SEMA6D: variants seen among roughly 807,000 people sequenced by gnomAD.
SEMA6D encodes the protein semaphorin 6D, also known as semaphorin-6D.
In SEMA6D, 35 loss-of-function variants were observed where a neutral mutation model predicts 106.6. That is an observed-to-expected ratio of 0.33 (90% CI 0.25 to 0.44). The LOEUF (loss-of-function observed/expected upper bound fraction) is 0.44. Among genes scored for constraint, SEMA6D ranks in the 20% least tolerant of loss-of-function variants. SEMA6D has a pLI of 1.00. For synonymous variants in SEMA6D, 499 were observed against 487.7 expected (o/e 1.02, Z -0.31); for missense variants, 1,185 against 1,345.9 (o/e 0.88, Z 1.87).
chr15:47,344,856 TTA>T (rs1319817955), intron 1 of SEMA6D, among the ~76,000 whole-genome samples: 55 of 152,300 alleles, frequency 3.6e-4, no homozygotes, highest in African/African-American at 1.3e-3. Context: ...TTTAGCAAAG[TTA>T]TATAATAAAA....
intron 1 of SEMA6D, among the ~76,000 whole-genome samples, chr15:47,227,419 C>CTCTCTCTTTCTTTCTTTCTTTCTTTCTT (rs141918693): frequency 0.023 from 2,703 of 115,406 alleles, 69 homozygotes; most frequent in South Asian, 0.042. Flanking sequence ...TTCTTTCTTT[C>CTCTCTCTTTCTTTCTTTCTTTCTTTCTT]TCTTTCTTTC....
At chr15:47,617,346 A>G (rs2077025724) in intron 4 of SEMA6D, among the ~76,000 whole-genome samples, 1 of 152,336 alleles carries the variant, frequency 6.6e-6, no homozygotes, top group East Asian at 1.9e-4. Context: ...GGGGACTACG[A>G]AAAGTAGTTG....
intron 1 of SEMA6D, among the ~76,000 whole-genome samples, chr15:47,331,862 G>T (rs1000175560): frequency 6.6e-6 from 1 of 152,176 alleles, no homozygotes; most frequent in Admixed American, 6.5e-5. Context: ...AATAACCTAT[G>T]TTTGTAGTTA....
chr15:47,379,593 G>C (rs1049287054), intron 1 of SEMA6D, among the ~76,000 whole-genome samples: 1 of 152,194 alleles, frequency 6.6e-6, no homozygotes, highest in East Asian at 1.9e-4. Context: ...CAAAAATACA[G>C]ATGAGATTAA....
In SEMA6D at chr15:47,660,805, C is replaced by T. The variant is rs189375775; in HGVS notation, c.-55+59909C>T. Among the ~76,000 whole-genome samples the T allele has an allele frequency of 3.4e-4, 51 of 152,106 alleles. No homozygotes were observed. The East Asian group carries it at 8.1e-3, about 24-fold the overall frequency. ...TGATTTTTCATTTTATTTCTTTACA[C>T]TTGTTTGGACAGCATAAGGGAGCAC... On this transcript the variant is annotated intron_variant, in intron 4 of 19. Transcript: ENST00000558014.
At position 47,764,688 on chromosome 15, in the gene SEMA6D, T is replaced by C. The variant is rs1257543429; in HGVS notation, c.1148T>C (p.Ile383Thr). Residue 383 changes from isoleucine (I) to threonine (T), a missense_variant, in exon 12 of 19, where the codon ATC (isoleucine) becomes ACC (threonine). Ile to Thr is a moderately conservative substitution (Grantham distance 89). Around this residue, in one of 3 missense-constraint regions of SEMA6D, gnomAD observed 291 missense variants for 423.8 expected, o/e 0.69. Coordinates refer to ENST00000536845, the MANE Select transcript of SEMA6D (RefSeq NM_001358351.3). The stretch of plus-strand genomic sequence containing the variant: ...CTTGCCGAAGCTTATAAAACCTCCA[T>C]CGATTTCCCGGATGAAACTCTGTCA... ...HGLAEAYKTS[I>T]DFPDETLSFI... 6.2e-7 allele frequency: 1 copy of C among 1,614,052 alleles called. No individual in the cohort carries two copies. Among genetic ancestry groups the C allele is most frequent in the East Asian group, 2.2e-5 (1 of 44,874 alleles).
intron 4 of SEMA6D, among the ~76,000 whole-genome samples, chr15:47,659,833 TAAATTTTTATACCCAC>T (rs1214784854): frequency 1.3e-5 from 2 of 152,104 alleles, no homozygotes; most frequent in Non-Finnish European, 2.9e-5. Flanking sequence ...CAAGTTAAAA[TAAATTTTTATACCCAC>T]AAATTAGAAA....
chr15:47,467,266 C>T (rs1225733423), intron 2 of SEMA6D, among the ~76,000 whole-genome samples: 3 of 152,052 alleles, frequency 2.0e-5, no homozygotes, highest in Non-Finnish European at 4.4e-5. Context: ...TGCCAAGTTT[C>T]CAAGCATTTA....
chr15:47,742,616 T>A (rs2080886862), intron 1 of SEMA6D, among the ~76,000 whole-genome samples: 1 of 152,238 alleles, frequency 6.6e-6, no homozygotes, highest in African/African-American at 2.4e-5. Context: ...TTCTACTTGT[T>A]GAATGTCCAC....
chr15:47,426,939 G>A (rs141140837), intron 2 of SEMA6D, among the ~76,000 whole-genome samples: 1 of 152,246 alleles, frequency 6.6e-6, no homozygotes, highest in East Asian at 1.9e-4. Context: ...TCATTTTACT[G>A]ATAGAGTTTA....
chr15:47,547,845 C>G (rs2142336356), intron 3 of SEMA6D, among the ~76,000 whole-genome samples: 1 of 152,298 alleles, frequency 6.6e-6, no homozygotes, highest in East Asian at 1.9e-4. Flanking sequence ...CAAGTTGCAG[C>G]TCACTGTGGC....
At chr15:47,404,279 T>TA (rs1567055992) in intron 1 of SEMA6D, among the ~76,000 whole-genome samples, 2 of 152,162 alleles carry the variant, frequency 1.3e-5, no homozygotes, top group Non-Finnish European at 2.9e-5. Context: ...GCTGAAGATA[T>TA]AAAAAATAAA....
chr15:47,481,536 T>A (rs1267319159), intron 3 of SEMA6D, among the ~76,000 whole-genome samples: 1 of 152,164 alleles, frequency 6.6e-6, no homozygotes, highest in Non-Finnish European at 1.5e-5. Context: ...GAATTCAAGA[T>A]TGATGGATAC....
rs575927587 is a variant in SEMA6D, at chr15:47,297,156, C to T, written c.-239+112738C>T. ...CATCAGTTGATGTATAGTGGAATGC[C>T]GAGTCAGATTCTTTGAAAAGGAATA... On this transcript the variant is annotated intron_variant, in intron 1 of 19. Transcript: ENST00000558014. Among the ~76,000 whole-genome samples the T allele has an allele frequency of 2.0e-5, 3 of 151,910 alleles. 1 individual carries two copies. Among genetic ancestry groups the T allele is most frequent in the Non-Finnish European group, 4.4e-5 (3 of 68,002 alleles).
chr15:47,691,243 A>T (rs1249958328), intron 4 of SEMA6D, among the ~76,000 whole-genome samples: 1 of 152,120 alleles, frequency 6.6e-6, no homozygotes, highest in East Asian at 1.9e-4. Flanking sequence ...TTTCAAAGCT[A>T]GAGTTTCAGG....
chr15:47,518,094 C>A (rs1279958342), intron 3 of SEMA6D, among the ~76,000 whole-genome samples: 1 of 152,166 alleles, frequency 6.6e-6, no homozygotes, highest in Non-Finnish European at 1.5e-5. Flanking sequence ...GAGATTAGGA[C>A]AACTGCAGCT....
chr15:47,345,906 T>A (rs751627412), intron 1 of SEMA6D, among the ~76,000 whole-genome samples: 38 of 152,180 alleles, frequency 2.5e-4, no homozygotes, highest in Non-Finnish European at 4.0e-4. Context: ...ATGGTGATGG[T>A]TTCATAGGTG....
At chr15:47,556,084 G>T (rs532766771) in intron 3 of SEMA6D, among the ~76,000 whole-genome samples, 1 of 152,176 alleles carries the variant, frequency 6.6e-6, no homozygotes, top group African/African-American at 2.4e-5. Context: ...AAATAGAAAT[G>T]CTACATTTAT....
intron 3 of SEMA6D, among the ~76,000 whole-genome samples, chr15:47,595,860 T>C (rs567944996): frequency 2.0e-5 from 3 of 152,280 alleles, no homozygotes; most frequent in African/African-American, 7.2e-5. Flanking sequence ...TATTGGCATG[T>C]TATTCTTAGG....
Sources: allele counts gnomAD v4.1 joint callset (sites outside exome capture counted in the v4.1 genomes callset), GRCh38; gene constraint gnomAD v4.1.1; regional missense constraint gnomAD v4.1.1; transcripts MANE v1.5; gene names NCBI Gene and HGNC (gene_info 2026-07-23, HGNC 2026-07-21).